The following KCNMA1 variants were observed in gnomAD, a reference collection of about 807,000 sequenced individuals.
KCNMA1 encodes Calcium-activated potassium channel subunit alpha-1.
Under a neutral mutation model 140.0 loss-of-function variants are expected in KCNMA1, and 29 were observed. The ratio of observed to expected loss-of-function variants is 0.21; its 90% CI spans 0.15 to 0.28. The LOEUF (loss-of-function observed/expected upper bound fraction) is 0.28. Among genes scored for constraint, KCNMA1 ranks in the 10% least tolerant of loss-of-function variants. The probability of loss-of-function intolerance (pLI) is 1.00; values close to 1 mark genes in which losing one functional copy is unlikely to be tolerated. For synonymous variants in KCNMA1, 612 were observed against 611.9 expected (o/e 1.00, Z 0.00); for missense variants, 880 against 1,602.2 (o/e 0.55, Z 7.70).
intron 1 of KCNMA1, among the ~76,000 whole-genome samples, chr10:77,510,347 G>T (rs950501564): frequency 4.6e-5 from 7 of 152,014 alleles, no homozygotes; most frequent in African/African-American, 1.7e-4. Flanking sequence ...AAGAAATACA[G>T]CATACCTACT....
chr10:77,512,357 T>A (rs2048708678), intron 1 of KCNMA1, among the ~76,000 whole-genome samples: 2 of 152,246 alleles, frequency 1.3e-5, no homozygotes, highest in South Asian at 4.1e-4. Context: ...ATTTTTGTGC[T>A]CTGTAATGAG....
At chr10:77,585,132 G>T (rs552972740) in intron 1 of KCNMA1, among the ~76,000 whole-genome samples, 80 of 152,306 alleles carry the variant, frequency 5.3e-4, no homozygotes, top group African/African-American at 1.9e-3. Flanking sequence ...CAGTTTGCTG[G>T]ATGACAGGAG....
intron 2 of KCNMA1, among the ~76,000 whole-genome samples, chr10:77,347,098 C>G (rs79233828): frequency 0.025 from 3,870 of 152,254 alleles, 154 homozygotes; most frequent in African/African-American, 0.088. Flanking sequence ...GTTTCCCCAT[C>G]TGTAAAATGA....
At chr10:77,190,479 T>A (rs1050243310) in intron 3 of KCNMA1, among the ~76,000 whole-genome samples, 2 of 152,252 alleles carry the variant, frequency 1.3e-5, no homozygotes, top group Admixed American at 1.3e-4. Context: ...CCTCTCCAGA[T>A]GGAGTGCAGC....
intron 1 of KCNMA1, among the ~76,000 whole-genome samples, chr10:77,540,356 C>T (rs1421251785): frequency 6.6e-6 from 1 of 152,228 alleles, no homozygotes; most frequent in East Asian, 1.9e-4. Context: ...CTCTGCAGAA[C>T]TTACCTCATT....
chr10:77,143,489 G>A (rs538752859), intron 5 of KCNMA1, among the ~76,000 whole-genome samples: 5 of 152,040 alleles, frequency 3.3e-5, no homozygotes, highest in Non-Finnish European at 4.4e-5. Context: ...ACAACTCAAT[G>A]AGAAAAATAA....
intron 1 of KCNMA1, among the ~76,000 whole-genome samples, chr10:77,603,265 CAG>C (rs1227801123): frequency 6.6e-6 from 1 of 152,180 alleles, no homozygotes; most frequent in Non-Finnish European, 1.5e-5. Context: ...GGACTTCCTG[CAG>C]AGTCAGGCTT....
chr10:77,006,762 T>C (rs1305081139), intron 18 of KCNMA1, among the ~76,000 whole-genome samples: 1 of 152,156 alleles, frequency 6.6e-6, no homozygotes, highest in Admixed American at 6.5e-5. Flanking sequence ...ACATTTTCTC[T>C]CCAATTCTGA....
intron 23 of KCNMA1, chr10:76,938,996 A>T (rs896331607): frequency 6.6e-6 from 1 of 152,088 alleles, no homozygotes; most frequent in African/African-American, 2.4e-5. Context: ...CTGGCTATGG[A>T]TCACTTTAAA....
intron 19 of KCNMA1, chr10:76,977,859 T>C: frequency 1.9e-6 from 1 of 521,862 alleles, no homozygotes; most frequent in Non-Finnish European, 3.4e-6. Flanking sequence ...CCCAGTACTT[T>C]GGAAAGCAAG....
intron 19 of KCNMA1, among the ~76,000 whole-genome samples, chr10:76,984,264 G>A (rs566232443): frequency 3.2e-4 from 49 of 152,004 alleles, no homozygotes; most frequent in African/African-American, 1.2e-3. Flanking sequence ...ATGCAGTGGT[G>A]CAATCTTGGC....
chr10:76,974,514 G>C (rs267602585), intron 19 of KCNMA1: 1 of 1,549,746 alleles, frequency 6.5e-7, no homozygotes, highest in African/African-American at 1.4e-5. Context: ...CGAGAATTGG[G>C]AGTCTCCTTC....
rs187890669 is a variant in KCNMA1, at chr10:76,890,387, C to T, written c.3343-818G>A. Among the ~76,000 whole-genome samples, 1,047 of 152,268 alleles carry T rather than the reference C, an allele frequency of 6.9e-3. 10 individuals carry two copies. Among genetic ancestry groups the T allele is most frequent in the Middle Eastern group, 0.02 (6 of 294 alleles). On this transcript the variant is annotated intron_variant, in intron 26 of 27. Transcript: ENST00000286628. ...CTTTGTCCTTCCAATCATTGGAATT[C>T]TCATATTGGTCTCATACCAAAGAAC... is the stretch of plus-strand genomic sequence containing the variant.
chr10:76,884,742 A>C (rs548638029), downstream of KCNMA1: 1 of 500,652 alleles, frequency 2.0e-6, no homozygotes, highest in African/African-American at 2.0e-5. Flanking sequence ...TGAGCAATTT[A>C]GAAAGTGGAA....
In KCNMA1 at chr10:77,046,138, C is replaced by A. The variant is rs74610184; in HGVS notation, c.1750-6501G>T. ...TTAGTGTATTCACAAGAACTTACTA[C>A]ATTTACTATTTTTAAAAAGTCTATC... On this transcript the variant is annotated intron_variant, in intron 14 of 27. Coordinates refer to ENST00000286628, the MANE Select transcript of KCNMA1 (RefSeq NM_001161352.2). Among the ~76,000 whole-genome samples, 1,014 of 152,326 alleles carry A rather than the reference C, an allele frequency of 6.7e-3. 8 individuals carry two copies. The highest frequency in any genetic ancestry group is 0.023 in the African/African-American group (969 of 41,562).
intron 16 of KCNMA1, among the ~76,000 whole-genome samples, chr10:77,027,295 C>A (rs891604862): frequency 6.6e-6 from 1 of 152,198 alleles, no homozygotes; most frequent in Non-Finnish European, 1.5e-5. Context: ...TGCCTCTGAG[C>A]TCCACTCTCC....
exon 28 of KCNMA1, chr10:76,870,965 C>A (rs1297827917): frequency 2.0e-5 from 3 of 152,330 alleles, no homozygotes; most frequent in Non-Finnish European, 2.9e-5. Flanking sequence ...TCTTGTTTCT[C>A]ATTTCCCTGG....
chr10:76,989,576 AG>A (rs1205431595), intron 19 of KCNMA1, among the ~76,000 whole-genome samples: 2 of 152,246 alleles, frequency 1.3e-5, no homozygotes, highest in Non-Finnish European at 2.9e-5. Context: ...CCTACTGGAT[AG>A]TCAAGATGGA....
chr10:77,037,849 C>T (rs892185308), intron 15 of KCNMA1, among the ~76,000 whole-genome samples: 5 of 152,150 alleles, frequency 3.3e-5, no homozygotes, highest in Non-Finnish European at 7.3e-5. Flanking sequence ...GCAGACCAAG[C>T]TCCAGGGAGG....
Sources: gnomAD v4.1 joint callset for allele counts (sites outside exome capture counted in the v4.1 genomes callset) on GRCh38, gnomAD v4.1.1 for gene constraint, MANE v1.5 for transcripts, NCBI Gene and HGNC (gene_info 2026-07-23, HGNC 2026-07-21) for gene names.